GAL3ST2: variants seen among roughly 807,000 people sequenced by gnomAD.
GAL3ST2 encodes the protein beta-galactose-3-O-sulfotransferase 2.
A neutral mutation model predicts 12.9 loss-of-function variants in GAL3ST2; 16 were observed. The ratio of observed to expected loss-of-function variants is 1.24; its 90% CI spans 0.84 to 1.88. The LOEUF is 1.88. GAL3ST2 is among the 40% of genes most tolerant of loss of function. The pLI is 0.00. For synonymous variants in GAL3ST2, 302 were observed against 273.9 expected (o/e 1.10, Z -1.01); for missense variants, 639 against 571.8 (o/e 1.12, Z -1.20).
At chr2:241,784,440 C>T (rs1245498425) in intron 1 of GAL3ST2, among the ~76,000 whole-genome samples, 1 of 152,060 alleles carries the variant, frequency 6.6e-6, no homozygotes, top group Admixed American at 6.5e-5. Flanking sequence ...TATTATTTGG[C>T]AGAGATAAGT....
chr2:241,800,338 C>T lies in GAL3ST2; in HGVS notation c.119+1184C>T, dbSNP rs533941329. On this transcript the variant is annotated intron_variant, in intron 2 of 3. Coordinates refer to ENST00000192314, the MANE Select transcript of GAL3ST2 (RefSeq NM_022134.3). The surrounding 1 kb of genome is among the most constrained non-coding windows in gnomAD (Gnocchi z 5.2). ...CCCAGGCTGGGAGCACAGCCGCCGA[C>T]CCAGGCTGGGAGCGGGCACTTCGAG... 4.0e-5 allele frequency among the ~76,000 whole-genome samples: 6 copies of T among 151,356 alleles called. No individual in the cohort carries two copies. Among genetic ancestry groups the T allele is most frequent in the African/African-American group, 1.5e-4 (6 of 41,162 alleles).
At chr2:241,786,532 A>G (rs901542285) in intron 1 of GAL3ST2, among the ~76,000 whole-genome samples, 3 of 152,174 alleles carry the variant, frequency 2.0e-5, no homozygotes, top group Admixed American at 2.0e-4. Flanking sequence ...AACAATCTCA[A>G]ACTCCATAAA....
Position 241,793,920 on chromosome 2 carries a change from G to A in GAL3ST2, c.30-5145G>A, listed in dbSNP as rs1166592928. ...ACCAGAAGTTCCCTGAGCTGGAGAT[G>A]GGATGTCTTAAGTCGGTTTTGTTGT... On this transcript the variant is annotated intron_variant, in intron 1 of 3. Transcript: ENST00000192314. The surrounding 1 kb of genome is among the most constrained non-coding windows in gnomAD (Gnocchi z 4.7). Among the ~76,000 whole-genome samples, 1 of 152,102 alleles carries A rather than the reference G, an allele frequency of 6.6e-6. No individual in the cohort carries two copies. Among genetic ancestry groups the A allele is most frequent in the African/African-American group, 2.4e-5 (1 of 41,396 alleles).
At chr2:241,782,276 C>G (rs2125189415) in intron 1 of GAL3ST2, among the ~76,000 whole-genome samples, 1 of 152,088 alleles carries the variant, frequency 6.6e-6, no homozygotes, top group Non-Finnish European at 1.5e-5. Context: ...CTGTGATTGT[C>G]CCTGGGCCTT....
rs1329715121 is a variant in GAL3ST2 at position 241,803,484 on chromosome 2, C to T, written c.515C>T (p.Ala172Val). 6.2e-7 allele frequency: 1 copy of T among 1,611,710 alleles called. No individual in the cohort carries two copies. The highest frequency in any genetic ancestry group is 1.1e-5 in the South Asian group (1 of 90,770). ...RGAPSLDAFL[A>V]SPRTFYNDSR... Reference sequence around the variant, plus strand: ...GCCCCGAGCCTGGACGCGTTCCTGGCCTCGCCGCGGACGTTCTACAACGAC... The same window carrying T: ...GCCCCGAGCCTGGACGCGTTCCTGGTCTCGCCGCGGACGTTCTACAACGAC... The change falls in exon 4 of 4, where the codon GCC becomes GTC. Residue 172 changes from alanine to valine, a missense_variant. By Grantham distance (64) the Ala-to-Val change is moderately conservative. Transcript: ENST00000192314.
intron 1 of GAL3ST2, among the ~76,000 whole-genome samples, chr2:241,787,038 G>A (rs1227093034): frequency 6.6e-6 from 1 of 152,150 alleles, no homozygotes; most frequent in Non-Finnish European, 1.5e-5. Flanking sequence ...AGGGTAATCA[G>A]AAACTCAAAA....
In GAL3ST2 at chr2:241,793,599, ATATG is replaced by A. The variant is rs1699730531; in HGVS notation, c.30-5464_30-5461del. Among the ~76,000 whole-genome samples the A allele has an allele frequency of 1.4e-5, 2 of 144,714 alleles. No individual in the cohort carries two copies. Among genetic ancestry groups the A allele is most frequent in the Non-Finnish European group, 3.0e-5 (2 of 67,112 alleles). The allele number at this position is 144,714 out of a possible 152,430, so 94.9% of individuals were successfully genotyped here. On this transcript the variant is annotated intron_variant, in intron 1 of 3. Coordinates refer to ENST00000192314, the MANE Select transcript of GAL3ST2 (RefSeq NM_022134.3). This position sits in a 1 kb window ranked among gnomAD's most constrained non-coding sequence, Gnocchi z 4.7. ...TATATGTGTATGTATGTATATGTGT[ATATG>A]TGTGTGTATTGTGTGTGTACATATT...
chr2:241,801,341 TTTTCTTTACGGTC>T lies in GAL3ST2; in HGVS notation c.120-438_120-426del. 5.5e-6 allele frequency: 1 copy of T among 182,342 alleles called. No individual in the cohort carries two copies. Among genetic ancestry groups the T allele is most frequent in the Non-Finnish European group, 1.1e-5 (1 of 87,558 alleles). The allele number at this position is 182,342 out of a possible 1,614,324, so 11.3% of individuals were successfully genotyped here. A position where few individuals can be genotyped will look rare whatever the true frequency, so the allele number is the denominator to read the frequency against. ...TATTCCGTGGTGTAGATGTGCCACA[TTTTCTTTACGGTC>T]TCTATGTAACATTCACACCCGGCAG... On this transcript the variant is annotated intron_variant, in intron 2 of 3. Coordinates refer to ENST00000192314, the MANE Select transcript of GAL3ST2 (RefSeq NM_022134.3). The surrounding 1 kb of genome is among the most constrained non-coding windows in gnomAD (Gnocchi z 4.4).
At chr2:241,797,111 C>T (rs938045419) in intron 1 of GAL3ST2, among the ~76,000 whole-genome samples, 16 of 152,340 alleles carry the variant, frequency 1.1e-4, no homozygotes, top group Admixed American at 4.6e-4. Flanking sequence ...CTCCCACTTC[C>T]GCCTCCCAAA....
chr2:241,802,163 G>T lies in GAL3ST2; in HGVS notation c.375+127G>T. ...TGGGGGCGGGGCGTGCAGAAGGCGG[G>T]TTGGGAGGGCCTGGGCCGCACGCCC... On this transcript the variant is annotated intron_variant, in intron 3 of 3. Coordinates refer to ENST00000192314, the MANE Select transcript of GAL3ST2 (RefSeq NM_022134.3). This position sits in a 1 kb window ranked among gnomAD's most constrained non-coding sequence, Gnocchi z 4.8. 1.5e-5 allele frequency: 17 copies of T among 1,124,856 alleles called. No individual in the cohort carries two copies. Among genetic ancestry groups the T allele is most frequent in the Non-Finnish European group, 1.7e-5 (14 of 807,162 alleles). 69.7% of individuals were successfully genotyped at this position (1,124,856 alleles called of 1,614,324 possible).
intron 3 of GAL3ST2, 48 bp from the exon 4 acceptor site, chr2:241,803,297 C>A: frequency 6.7e-7 from 1 of 1,499,364 alleles, no homozygotes. Context: ...GGTGGGCCAC[C>A]CTGGCCTGGG....
intron 1 of GAL3ST2, among the ~76,000 whole-genome samples, chr2:241,784,285 G>A (rs552845152): frequency 2.0e-5 from 3 of 151,974 alleles, no homozygotes; most frequent in Admixed American, 6.6e-5. Flanking sequence ...CACCTGCCTC[G>A]GCCTCCCAAA....
intron 1 of GAL3ST2, among the ~76,000 whole-genome samples, chr2:241,787,500 G>A (rs563234224): frequency 3.4e-4 from 52 of 151,390 alleles, no homozygotes; most frequent in Middle Eastern, 7.0e-3. Context: ...CCCCAAATTG[G>A]TCAAGATATA....
intron 1 of GAL3ST2, among the ~76,000 whole-genome samples, chr2:241,792,592 A>C (rs1253140258): frequency 6.6e-6 from 1 of 152,034 alleles, no homozygotes; most frequent in African/African-American, 2.4e-5. Flanking sequence ...GAGACTTCAC[A>C]ACCTGCTAAA....
At position 241,803,413 on chromosome 2, in the gene GAL3ST2, G is replaced by A; in HGVS notation, c.444G>A (p.Glu148=). Residue 148 remains glutamate, a synonymous_variant, in exon 4 of 4, where the codon GAG becomes GAA. Coordinates refer to ENST00000192314, the MANE Select transcript of GAL3ST2 (RefSeq NM_022134.3). ...SILRNPVFQL[E]SSFIYYKTYA... is the part of the protein sequence containing the mutation. ...TGAGGAACCCCGTGTTCCAGCTGGA[G>A]TCCTCCTTCATCTACTACAAAACCT... 3 of 1,612,870 alleles carry A rather than the reference G, an allele frequency of 1.9e-6. No individual in the cohort carries two copies. The highest frequency in any genetic ancestry group is 2.5e-6 in the Non-Finnish European group (3 of 1,179,636).
Position 241,802,127 on chromosome 2 carries a change from A to C in GAL3ST2, c.375+91A>C. The C allele has an allele frequency of 1.8e-6, 2 of 1,134,080 alleles. No individual in the cohort carries two copies. The highest frequency in any genetic ancestry group is 2.9e-5 in the South Asian group (2 of 68,434). The allele number at this position is 1,134,080 out of a possible 1,614,324, so 70.3% of individuals were successfully genotyped here. A position where few individuals can be genotyped will look rare whatever the true frequency, so the allele number is the denominator to read the frequency against. ...TGTAGCCTGGAGGCTGGAGAGAAGG[A>C]GTGTAAGGCTTGGGGGCGGGGCGTG... On this transcript the variant is annotated intron_variant, in intron 3 of 3. Coordinates refer to ENST00000192314, the MANE Select transcript of GAL3ST2 (RefSeq NM_022134.3). This position sits in a 1 kb window ranked among gnomAD's most constrained non-coding sequence, Gnocchi z 4.8.
In GAL3ST2 at chr2:241,776,969, T is replaced by A. The variant is rs200875314; in HGVS notation, c.14T>A (p.Leu5Gln). The part of the protein sequence containing the change: MMSM[L>Q]GGLQRYFRVI... ...CCAGAGGCCAAGATGATGTCCATGC[T>A]GGGCGGCTTGCAGAGGTAAGGGGGG... The change falls in exon 1 of 4, where the codon CTG (leucine) becomes CAG (glutamine). Residue 5 changes from leucine to glutamine, a missense_variant. Transcript: ENST00000192314. 279 of 1,552,302 alleles carry A rather than the reference T, an allele frequency of 1.8e-4. 1 individual carries two copies. The highest frequency in any genetic ancestry group is 2.2e-4 in the Non-Finnish European group (256 of 1,144,900).
Position 241,799,072 on chromosome 2 carries a change from C to T in GAL3ST2, c.37C>T (p.Arg13Trp), listed in dbSNP as rs762724975. The change falls in exon 2 of 4, where the codon CGG (arginine) becomes TGG (tryptophan). Residue 13 changes from arginine to tryptophan, a missense_variant. Physicochemically the swap from Arg to Trp is moderately radical, Grantham distance 101. Coordinates refer to ENST00000192314, the MANE Select transcript of GAL3ST2 (RefSeq NM_022134.3). ...SMLGGLQRYF[R>W]VILLLLLALT... ...GGCCTGCCCTTTCCACAGATACTTCCGGGTCATCCTCCTCCTCCTCCTGGC... is the reference window on the plus strand; with the variant it reads ...GGCCTGCCCTTTCCACAGATACTTCTGGGTCATCCTCCTCCTCCTCCTGGC... The T allele has an allele frequency of 2.6e-5, 42 of 1,613,148 alleles. No homozygotes were observed. The highest frequency in any genetic ancestry group is 4.5e-5 in the East Asian group (2 of 44,876).
At chr2:241,799,761 C>T (rs1699819578) in intron 2 of GAL3ST2, among the ~76,000 whole-genome samples, 2 of 152,216 alleles carry the variant, frequency 1.3e-5, no homozygotes, top group Non-Finnish European at 2.9e-5. Context: ...CTGCCAGAGA[C>T]AGGTGCCAAG....
Sources: allele counts gnomAD v4.1 joint callset (sites outside exome capture counted in the v4.1 genomes callset), GRCh38; gene constraint gnomAD v4.1.1; non-coding constraint Gnocchi (gnomAD v3.1); transcripts MANE v1.5; gene names NCBI Gene and HGNC (gene_info 2026-07-23, HGNC 2026-07-21).